Variants in NEXMIF observed in about 807,000 individuals in gnomAD.
NEXMIF encodes the protein neurite extension and migration factor, also known as XLMR protein related to neurite extension.
A neutral mutation model predicts 62.1 loss-of-function variants in NEXMIF; 8 were observed. That is an observed-to-expected ratio of 0.13 (90% CI 0.08 to 0.23). The LOEUF is 0.23. Ranked by LOEUF, NEXMIF falls within the 10% of genes least tolerant of loss-of-function variation. The pLI is 1.00. For synonymous variants in NEXMIF, 404 were observed against 416.6 expected (o/e 0.97, Z 0.37); for missense variants, 976 against 1,113.3 (o/e 0.88, Z 1.75).
intron 1 of NEXMIF, among the ~76,000 whole-genome samples, chrX:74,883,511 G>C (rs911483320): frequency 8.9e-6 from 1 of 112,152 alleles, no homozygotes; most frequent in African/African-American, 3.2e-5. Flanking sequence ...ACAAGCCTCA[G>C]TGACCAATGC....
intron 1 of NEXMIF, among the ~76,000 whole-genome samples, chrX:74,884,748 G>T (rs1176744780): frequency 9.0e-6 from 1 of 111,362 alleles, no homozygotes; most frequent in Non-Finnish European, 1.9e-5. Flanking sequence ...GTGACAGAGA[G>T]TTAACAAGGA....
chrX:74,825,472 G>A (rs1041572498), intron 1 of NEXMIF, among the ~76,000 whole-genome samples: 3 of 111,059 alleles, frequency 2.7e-5, no homozygotes, highest in African/African-American at 6.6e-5. Context: ...TTATCAGTAA[G>A]AACAAGTAGT....
At chrX:74,917,173 G>T (rs1356004954) in intron 1 of NEXMIF, among the ~76,000 whole-genome samples, 2 of 111,807 alleles carry the variant, frequency 1.8e-5, no homozygotes, top group Non-Finnish European at 3.8e-5. Flanking sequence ...GGAGGTAGTT[G>T]GGTCATGGGG....
intron 1 of NEXMIF, among the ~76,000 whole-genome samples, chrX:74,907,897 C>T (rs901055956): frequency 8.1e-5 from 9 of 111,523 alleles, no homozygotes; most frequent in Non-Finnish European, 1.7e-4. Flanking sequence ...CAGCTCTGAC[C>T]TATCATCCAC....
rs1292251986 is a variant in NEXMIF, at chrX:74,925,196, C to A, written c.-361G>T. 8.6e-6 allele frequency: 1 copy of A among 116,249 alleles called. No individual in the cohort carries two copies. Among genetic ancestry groups the A allele is most frequent in the East Asian group, 2.8e-4 (1 of 3,576 alleles). The allele number at this position is 116,249 out of a possible 1,213,427, so 9.6% of individuals were successfully genotyped here. On this transcript the variant is annotated 5_prime_UTR_variant, in exon 1 of 4. Coordinates refer to ENST00000055682, the MANE Select transcript of NEXMIF (RefSeq NM_001008537.3). ...AGCCTCCGCGGCTGCCCGGCTGCTC[C>A]AAGGGTCCGTGCTTCGCTTACACTG...
At chrX:74,906,222 G>T (rs1331314856) in intron 1 of NEXMIF, among the ~76,000 whole-genome samples, 1 of 108,948 alleles carries the variant, frequency 9.2e-6, no homozygotes. Flanking sequence ...GCAGTAAACT[G>T]TGTTTGTGCC....
At chrX:74,786,620 C>T (rs2080260844) in intron 1 of NEXMIF, among the ~76,000 whole-genome samples, 1 of 111,480 alleles carries the variant, frequency 9.0e-6, no homozygotes, top group South Asian at 3.8e-4. Flanking sequence ...CTGAATCCAG[C>T]ACATTCCCCC....
chrX:74,837,411 T>C (rs2080460799), intron 1 of NEXMIF, among the ~76,000 whole-genome samples: 1 of 111,938 alleles, frequency 8.9e-6, no homozygotes, highest in African/African-American at 3.3e-5. Flanking sequence ...CCAGCAAACA[T>C]AAGGACTGTC....
intron 1 of NEXMIF, among the ~76,000 whole-genome samples, chrX:74,872,938 ATTT>A (rs2080609015): frequency 9.2e-6 from 1 of 109,146 alleles, no homozygotes; most frequent in Non-Finnish European, 1.9e-5. Flanking sequence ...TTTATTTTTT[ATTT>A]TTTTAGTTTT....
rs2080081963 is a variant in NEXMIF, at chrX:74,735,187, C to T, written c.*4218G>A. The T allele has an allele frequency of 1.8e-5, 2 of 111,673 alleles. No homozygotes were observed. The highest frequency in any genetic ancestry group is 7.5e-4 in the South Asian group (2 of 2,684). 9.2% of individuals were successfully genotyped at this position (111,673 alleles called of 1,213,427 possible). ...AAATCCCTAAATGAAAATGGTTACT[C>T]CTTAAATTAGATAATTTCTCAATAA... is the stretch of plus-strand genomic sequence containing the variant. On this transcript the variant is annotated 3_prime_UTR_variant, in exon 4 of 4. Transcript: ENST00000055682.
intron 1 of NEXMIF, among the ~76,000 whole-genome samples, chrX:74,800,670 A>G: frequency 9.0e-6 from 1 of 110,934 alleles, no homozygotes; most frequent in South Asian, 3.8e-4. Flanking sequence ...TAGCTGCAAA[A>G]TATTCTATTT....
chrX:74,899,428 A>G (rs1455963618), intron 1 of NEXMIF, among the ~76,000 whole-genome samples: 1 of 111,911 alleles, frequency 8.9e-6, no homozygotes, highest in African/African-American at 3.3e-5. Context: ...ATTCCTATAC[A>G]CTAATAATGG....
intron 1 of NEXMIF, among the ~76,000 whole-genome samples, chrX:74,779,698 G>T (rs1193122561): frequency 8.9e-6 from 1 of 111,845 alleles, no homozygotes; most frequent in Non-Finnish European, 1.9e-5. Flanking sequence ...TTTTCTGAAT[G>T]CCTTTTGCTC....
intron 1 of NEXMIF, among the ~76,000 whole-genome samples, chrX:74,790,367 T>C (rs2080276469): frequency 8.8e-6 from 1 of 113,615 alleles, no homozygotes; most frequent in African/African-American, 3.2e-5. Context: ...CATGATGTTT[T>C]GGTTACTGTA....
rs1039427023 is a variant in NEXMIF at position 74,920,821 on chromosome X, C to A, written c.-48+4062G>T. 3.6e-5 allele frequency among the ~76,000 whole-genome samples: 4 copies of A among 111,480 alleles called. 1 individual carries two copies. In the Middle Eastern group the frequency reaches 0.014, roughly 387 times the overall value. ...AGGATGACTTGGCACTACTTTAGCA[C>A]TCAGGCCCAAGGTATAATTAATCTT... On this transcript the variant is annotated intron_variant, in intron 1 of 3. Transcript: ENST00000055682.
chrX:74,743,548 A>T lies in NEXMIF; in HGVS notation c.1009T>A (p.Phe337Ile), dbSNP rs775599756. The T allele has an allele frequency of 1.7e-6, 2 of 1,211,360 alleles. No homozygotes were observed. Among genetic ancestry groups the T allele is most frequent in the South Asian group, 3.5e-5 (2 of 56,960 alleles). Residue 337 changes from phenylalanine (F) to isoleucine (I), a missense_variant, in exon 3 of 4, where the codon TTT (phenylalanine) becomes ATT (isoleucine). By Grantham distance (21) the Phe-to-Ile change is conservative. Around this residue, in one of 5 missense-constraint regions of NEXMIF, gnomAD observed 639 missense variants for 694.5 expected, o/e 0.92. Transcript: ENST00000055682. ...CAGGTAGTAAAGACGCTGGGAAAAA[A>T]GTTGAATTGGGCATCTTCCTGCATC... ...LLMQEDAQFNFFPSVFTTCPK... is the reference protein window; with the variant it reads ...LLMQEDAQFNIFPSVFTTCPK...
chrX:74,885,343 T>A (rs1292076873), intron 1 of NEXMIF, among the ~76,000 whole-genome samples: 1 of 111,238 alleles, frequency 9.0e-6, no homozygotes. Flanking sequence ...CTTCAAAAAA[T>A]CAGTGAACCC....
intron 1 of NEXMIF, among the ~76,000 whole-genome samples, chrX:74,852,105 G>A (rs1474018563): frequency 9.0e-6 from 1 of 110,644 alleles, no homozygotes. Flanking sequence ...TAGATTGAAA[G>A]TAAAGGGATG....
At chrX:74,781,462 G>A (rs1235571155) in intron 1 of NEXMIF, among the ~76,000 whole-genome samples, 1 of 108,330 alleles carries the variant, frequency 9.2e-6, no homozygotes, top group Non-Finnish European at 2.0e-5. Flanking sequence ...GAACAAGAGG[G>A]AAGCCTTAGG....
Sources: allele counts gnomAD v4.1 joint callset (sites outside exome capture counted in the v4.1 genomes callset), GRCh38; gene constraint gnomAD v4.1.1; regional missense constraint gnomAD v4.1.1; transcripts MANE v1.5; gene names NCBI Gene and HGNC (gene_info 2026-07-23, HGNC 2026-07-21).